The following CDH18 variants were observed in gnomAD, a reference collection of about 807,000 sequenced individuals.
CDH18 encodes the protein cadherin-18.
In CDH18, 31 loss-of-function variants were observed where a neutral mutation model predicts 67.9. That is an observed-to-expected ratio of 0.46 (90% CI 0.34 to 0.62). The LOEUF is 0.62. Ranked by LOEUF, CDH18 falls within the 20% of genes least tolerant of loss-of-function variation. CDH18 has a pLI of 0.01. For synonymous variants in CDH18, 362 were observed against 347.2 expected (o/e 1.04, Z -0.48); for missense variants, 890 against 975.5 (o/e 0.91, Z 1.17).
intron 2 of CDH18, among the ~76,000 whole-genome samples, chr5:20,163,108 T>A (rs578161053): frequency 6.6e-6 from 1 of 152,170 alleles, no homozygotes; most frequent in East Asian, 1.9e-4. Flanking sequence ...GTAGAGCCTT[T>A]ATTTAGAATC....
intron 8 of CDH18, among the ~76,000 whole-genome samples, chr5:19,545,294 C>G (rs238637): frequency 0.11 from 16,394 of 152,076 alleles, 1,319 homozygotes; most frequent in African/African-American, 0.22. Flanking sequence ...GAAACAGTTT[C>G]AATTGGTTAG....
intron 2 of CDH18, among the ~76,000 whole-genome samples, chr5:19,947,606 A>T (rs2150251474): frequency 7.4e-6 from 1 of 134,938 alleles, no homozygotes; most frequent in East Asian, 2.0e-4. Context: ...AAAAAAAAAA[A>T]AAAAAAAAAT....
chr5:19,664,509 T>C (rs150332631), intron 5 of CDH18, among the ~76,000 whole-genome samples: 162 of 151,948 alleles, frequency 1.1e-3, no homozygotes, highest in East Asian at 7.0e-3. Flanking sequence ...AGCCTGACTG[T>C]AAGGACAAAA....
intron 3 of CDH18, among the ~76,000 whole-genome samples, chr5:19,777,618 TA>T (rs963845268): frequency 1.3e-5 from 2 of 152,166 alleles, no homozygotes; most frequent in African/African-American, 4.8e-5. Context: ...TAGAACAAAC[TA>T]GCCTTGAGAT....
chr5:20,043,138 G>A (rs1740596827), intron 2 of CDH18, among the ~76,000 whole-genome samples: 1 of 152,058 alleles, frequency 6.6e-6, no homozygotes, highest in African/African-American at 2.4e-5. Flanking sequence ...CCCACTAAAT[G>A]ACAGTAGCAG....
intron 7 of CDH18, among the ~76,000 whole-genome samples, chr5:19,587,170 C>T (rs2683644): frequency 0.038 from 5,799 of 152,018 alleles, 322 homozygotes; most frequent in African/African-American, 0.12. Context: ...TCTGTTTAAC[C>T]TGTTGATAGT....
intron 1 of CDH18, among the ~76,000 whole-genome samples, chr5:20,486,224 A>C (rs948621774): frequency 6.6e-6 from 1 of 152,170 alleles, no homozygotes; most frequent in African/African-American, 2.4e-5. Context: ...GAGTCATTTC[A>C]TTAAGTCGAA....
intron 1 of CDH18, among the ~76,000 whole-genome samples, chr5:20,533,186 A>G (rs369562063): frequency 6.6e-6 from 1 of 152,110 alleles, no homozygotes; most frequent in East Asian, 1.9e-4. Flanking sequence ...TCTAAGGTGA[A>G]CAGCAAACTA....
intron 5 of CDH18, among the ~76,000 whole-genome samples, chr5:19,678,149 C>G (rs1016709335): frequency 6.6e-6 from 1 of 151,488 alleles, no homozygotes; most frequent in East Asian, 1.9e-4. Flanking sequence ...GTAGAATGCT[C>G]CACCCCAAAA....
chr5:20,254,511 G>C (rs1281625414), intron 2 of CDH18, among the ~76,000 whole-genome samples: 1 of 152,168 alleles, frequency 6.6e-6, no homozygotes, highest in Non-Finnish European at 1.5e-5. Context: ...TGTTAGATAA[G>C]CAATTGCTAA....
At chr5:20,567,334 G>A (rs191866047) in intron 1 of CDH18, among the ~76,000 whole-genome samples, 3 of 152,196 alleles carry the variant, frequency 2.0e-5, no homozygotes, top group African/African-American at 7.2e-5. Context: ...CTGTGTTGAA[G>A]TATATTTTTC....
chr5:20,339,473 A>C (rs1023530744), intron 1 of CDH18, among the ~76,000 whole-genome samples: 2 of 152,030 alleles, frequency 1.3e-5, no homozygotes, highest in African/African-American at 4.8e-5. Flanking sequence ...GTATTGTGAG[A>C]GGAGCTGCAA....
At chr5:19,713,739 T>C (rs1291435485) in intron 5 of CDH18, among the ~76,000 whole-genome samples, 1 of 152,152 alleles carries the variant, frequency 6.6e-6, no homozygotes, top group Non-Finnish European at 1.5e-5. Context: ...TAGTTTCATT[T>C]TGATTCCCCC....
At chr5:20,570,147 C>A (rs1462042665) in intron 1 of CDH18, among the ~76,000 whole-genome samples, 1 of 152,088 alleles carries the variant, frequency 6.6e-6, no homozygotes, top group Non-Finnish European at 1.5e-5. Flanking sequence ...ATATACATTA[C>A]AGAGAGTCAA....
chr5:20,178,865 A>G (rs565438034), intron 2 of CDH18, among the ~76,000 whole-genome samples: 1 of 152,146 alleles, frequency 6.6e-6, no homozygotes, highest in Admixed American at 6.6e-5. Flanking sequence ...TTCTACTTGT[A>G]TTTTCAGGCA....
intron 1 of CDH18, among the ~76,000 whole-genome samples, chr5:20,306,430 TAG>T (rs113960225): frequency 0.099 from 15,004 of 152,110 alleles, 1,107 homozygotes; most frequent in East Asian, 0.22. Context: ...GCCTTTTCCA[TAG>T]AGTCATTTTT....
chr5:19,859,396 C>T (rs1185294388), intron 2 of CDH18, among the ~76,000 whole-genome samples: 3 of 152,056 alleles, frequency 2.0e-5, no homozygotes, highest in African/African-American at 7.2e-5. Context: ...AAGTATTTCA[C>T]CCCCAAATAT....
chr5:20,448,945 G>A (rs556132249), intron 1 of CDH18, among the ~76,000 whole-genome samples: 2 of 151,926 alleles, frequency 1.3e-5, no homozygotes, highest in Non-Finnish European at 2.9e-5. Context: ...TTGAGAACTT[G>A]AGTAAAAAGC....
intron 2 of CDH18, among the ~76,000 whole-genome samples, chr5:19,931,094 A>G (rs934626263): frequency 6.6e-6 from 1 of 152,044 alleles, no homozygotes; most frequent in African/African-American, 2.4e-5. Context: ...GTGAGCTCAC[A>G]TGAGGTATAG....
Sources: gnomAD v4.1 joint callset for allele counts (sites outside exome capture counted in the v4.1 genomes callset) on GRCh38, gnomAD v4.1.1 for gene constraint, MANE v1.5 for transcripts, NCBI Gene and HGNC (gene_info 2026-07-23, HGNC 2026-07-21) for gene names.